The following CPAP variants were observed in gnomAD, a reference collection of about 807,000 sequenced individuals.
CPAP encodes centrosomal P4.1-associated protein.
the CPAP span, among the ~76,000 whole-genome samples, chr13:24,923,201 A>C: frequency 6.6e-6 from 1 of 151,816 alleles, no homozygotes; most frequent in African/African-American, 2.4e-5. Context: ...GTCAAAGCTA[A>C]CATAGAGCCC....
At chr13:24,882,920 G>A in the CPAP span, 1 of 473,260 alleles carries the variant, frequency 2.1e-6, no homozygotes, top group South Asian at 2.2e-5. Context: ...CCCACTTACT[G>A]TAAAAACCTG....
At chr13:24,912,733 G>C in the CPAP span, 1 of 1,614,160 alleles carries the variant, frequency 6.2e-7, no homozygotes, top group Admixed American at 1.7e-5. Context: ...GCAAGGAAAG[G>C]CTGTATGGGT....
At chr13:24,933,978 G>A in the CPAP span, among the ~76,000 whole-genome samples, 61 of 152,200 alleles carry the variant, frequency 4.0e-4, no homozygotes, top group African/African-American at 1.0e-3. Context: ...CGCCTGTCTC[G>A]GCCTCCCAAA....
chr13:24,928,097 C>T, the CPAP span, among the ~76,000 whole-genome samples: 8 of 152,216 alleles, frequency 5.3e-5, no homozygotes, highest in Non-Finnish European at 1.0e-4. Flanking sequence ...AGCATTATGT[C>T]TGTACTGAAT....
At chr13:24,904,823 T>C in the CPAP span, among the ~76,000 whole-genome samples, 1 of 152,332 alleles carries the variant, frequency 6.6e-6, no homozygotes, top group Admixed American at 6.5e-5. Context: ...TATAATATAA[T>C]ATAATGGAAA....
At chr13:24,913,141 T>C in the CPAP span, 4 of 876,986 alleles carry the variant, frequency 4.6e-6, no homozygotes, top group East Asian at 1.0e-4. Context: ...CCATTAGATG[T>C]CCTACCAAAA....
chr13:24,895,027 A>G, the CPAP span, among the ~76,000 whole-genome samples: 3 of 152,208 alleles, frequency 2.0e-5, no homozygotes, highest in Non-Finnish European at 2.9e-5. Flanking sequence ...GAAAGCTCAG[A>G]GGCAAGGCCT....
At chr13:24,918,271 GCAAAGCGAACA>G in the CPAP span, among the ~76,000 whole-genome samples, 2 of 152,270 alleles carry the variant, frequency 1.3e-5, no homozygotes, top group Admixed American at 6.5e-5. Context: ...ATTTGCTGTG[GCAAAGCGAACA>G]GAAAAAGTTT....
the CPAP span, chr13:24,908,002 T>C: frequency 6.5e-7 from 1 of 1,528,650 alleles, no homozygotes; most frequent in Admixed American, 1.7e-5. Context: ...TTTCTCACTT[T>C]CAACACGAAC....
chr13:24,924,176 C>T, the CPAP span, among the ~76,000 whole-genome samples: 5 of 152,118 alleles, frequency 3.3e-5, no homozygotes, highest in Middle Eastern at 3.4e-3. Flanking sequence ...GAAGCTAAAG[C>T]CCGAGACTTC....
chr13:24,903,966 T>C, the CPAP span: 503 of 1,614,072 alleles, frequency 3.1e-4, 1 homozygote, highest in Non-Finnish European at 1.9e-4. Flanking sequence ...ATGCGAAGTT[T>C]AGCTAAAGAT....
chr13:24,929,525 C>A, the CPAP span, among the ~76,000 whole-genome samples: 1 of 152,220 alleles, frequency 6.6e-6, no homozygotes, highest in Non-Finnish European at 1.5e-5. Flanking sequence ...CTGATAATTT[C>A]TCTCAAGCTG....
chr13:24,923,122 G>C, the CPAP span, among the ~76,000 whole-genome samples: 5 of 152,350 alleles, frequency 3.3e-5, no homozygotes, highest in South Asian at 2.1e-4. Flanking sequence ...CCCACACTTA[G>C]AAAACTAAAG....
At chr13:24,884,389 A>G in the CPAP span, 3 of 1,614,128 alleles carry the variant, frequency 1.9e-6, no homozygotes, top group Non-Finnish European at 1.7e-6. Flanking sequence ...TGGTCTTCCC[A>G]TCTGCACTCA....
the CPAP span, among the ~76,000 whole-genome samples, chr13:24,891,907 G>A: frequency 1.3e-5 from 2 of 152,278 alleles, no homozygotes; most frequent in South Asian, 2.1e-4. Context: ...GCTGCAGCCT[G>A]GGGCTCCTCT....
the CPAP span, chr13:24,913,234 T>C: frequency 1.1e-5 from 6 of 566,496 alleles, no homozygotes; most frequent in Non-Finnish European, 1.9e-5. Flanking sequence ...CAATTGGGCA[T>C]TGAGCTACAT....
the CPAP span, among the ~76,000 whole-genome samples, chr13:24,895,093 G>A: frequency 1.3e-5 from 2 of 152,346 alleles, no homozygotes; most frequent in Middle Eastern, 3.4e-3. Context: ...CGGTGAGCAC[G>A]GCTGAGAGCC....
chr13:24,925,619 G>A, the CPAP span, among the ~76,000 whole-genome samples: 1 of 152,128 alleles, frequency 6.6e-6, no homozygotes, highest in African/African-American at 2.4e-5. Context: ...AAAAAAAGTG[G>A]GGGAGGACAT....
the CPAP span, chr13:24,909,776 CA>C: frequency 1.9e-6 from 3 of 1,606,230 alleles, no homozygotes; most frequent in South Asian, 2.2e-5. Context: ...AAGAGAGAAA[CA>C]TAAGTAGCTC....
Sources: allele counts gnomAD v4.1 joint callset (sites outside exome capture counted in the v4.1 genomes callset), GRCh38; gene constraint gnomAD v4.1.1; transcripts MANE v1.5; gene names NCBI Gene and HGNC (gene_info 2026-07-23, HGNC 2026-07-21).